The following GNAQ variants were observed in gnomAD, a reference collection of about 807,000 sequenced individuals.
GNAQ encodes G protein subunit alpha q, also known as guanine nucleotide-binding protein G(q) subunit alpha.
Under a neutral mutation model 43.9 loss-of-function variants are expected in GNAQ, and 8 were observed. The ratio of observed to expected loss-of-function variants is 0.18; its 90% CI spans 0.11 to 0.33. The LOEUF (loss-of-function observed/expected upper bound fraction) is 0.33. Among genes scored for constraint, GNAQ ranks in the 10% least tolerant of loss-of-function variants. The probability of loss-of-function intolerance (pLI) is 1.00; values close to 1 mark genes in which losing one functional copy is unlikely to be tolerated. For synonymous variants in GNAQ, 155 were observed against 170.7 expected (o/e 0.91, Z 0.71); for missense variants, 158 against 450.8 (o/e 0.35, Z 5.88).
intron 1 of GNAQ, among the ~76,000 whole-genome samples, chr9:77,954,051 C>T (rs1823013353): frequency 6.6e-6 from 1 of 152,158 alleles, no homozygotes; most frequent in Non-Finnish European, 1.5e-5. Context: ...TTTAAGATGT[C>T]TTTGAAACTC....
chr9:78,024,642 A>G lies in GNAQ; in HGVS notation c.136+6458T>C, dbSNP rs201747998. Among the ~76,000 whole-genome samples, 6 of 152,358 alleles carry G rather than the reference A, an allele frequency of 3.9e-5. No homozygotes were observed. In the East Asian group the frequency reaches 1.2e-3, roughly 29 times the overall value. On this transcript the variant is annotated intron_variant, in intron 1 of 6. Coordinates refer to ENST00000286548, the MANE Select transcript of GNAQ (RefSeq NM_002072.5). Reference sequence around the variant, plus strand: ...TAGAAAAGCCAAAGCCAGGAAGGATAAAGTCAGAAGGGCATGTCAGTACGA... The same window carrying G: ...TAGAAAAGCCAAAGCCAGGAAGGATGAAGTCAGAAGGGCATGTCAGTACGA...
chr9:77,784,665 A>G (rs545868835), intron 5 of GNAQ, among the ~76,000 whole-genome samples: 3 of 152,362 alleles, frequency 2.0e-5, no homozygotes, highest in East Asian at 1.9e-4. Context: ...GATAAATTCA[A>G]TGTAGTGAAA....
rs150506649 is a variant in GNAQ at position 77,769,913 on chromosome 9, G to A, written c.735+24550C>T. Among the ~76,000 whole-genome samples the A allele has an allele frequency of 2.3e-3, 354 of 152,080 alleles. 3 individuals carry two copies. The highest frequency in any genetic ancestry group is 7.5e-3 in the African/African-American group (311 of 41,508). On this transcript the variant is annotated intron_variant, in intron 5 of 6. Transcript: ENST00000286548. ...GATCTCCTGACCTCGTGATCTGCCC[G>A]CCTCTGCCTCCCAAAGTGCTGGGAT...
chr9:77,981,837 GCTC>G (rs1294604276), intron 1 of GNAQ, among the ~76,000 whole-genome samples: 1 of 152,182 alleles, frequency 6.6e-6, no homozygotes, highest in African/African-American at 2.4e-5. Flanking sequence ...TCACTCTGCT[GCTC>G]AATTTTACCT....
intron 2 of GNAQ, among the ~76,000 whole-genome samples, chr9:77,903,202 T>C (rs749527272): frequency 2.6e-4 from 40 of 152,044 alleles, no homozygotes; most frequent in Non-Finnish European, 5.1e-4. Context: ...AGATTAAAGT[T>C]TGAGGAGCCC....
chr9:77,863,629 G>A (rs188298112), intron 2 of GNAQ, among the ~76,000 whole-genome samples: 261 of 152,124 alleles, frequency 1.7e-3, no homozygotes, highest in African/African-American at 5.9e-3. Flanking sequence ...CCAATTTACC[G>A]TACTAGTCCA....
intron 2 of GNAQ, among the ~76,000 whole-genome samples, chr9:77,914,318 G>A (rs1828859759): frequency 6.6e-6 from 1 of 152,144 alleles, no homozygotes. Context: ...AAAAAGAGGT[G>A]GCTGACTCAT....
chr9:77,821,908 T>C (rs2118528657), intron 2 of GNAQ, among the ~76,000 whole-genome samples: 2 of 152,302 alleles, frequency 1.3e-5, no homozygotes, highest in Middle Eastern at 6.8e-3. Context: ...ATGGTCTGTA[T>C]GACTACTTTC....
intron 2 of GNAQ, among the ~76,000 whole-genome samples, chr9:77,917,413 A>G (rs1828927445): frequency 6.6e-6 from 1 of 152,184 alleles, no homozygotes; most frequent in Non-Finnish European, 1.5e-5. Flanking sequence ...ACTGGGTACT[A>G]GGCTTAGTAC....
At chr9:77,837,162 C>A (rs1280756221) in intron 2 of GNAQ, among the ~76,000 whole-genome samples, 1 of 152,050 alleles carries the variant, frequency 6.6e-6, no homozygotes, top group Non-Finnish European at 1.5e-5. Context: ...CATGGAAAGA[C>A]ATATGTTAAT....
intron 2 of GNAQ, among the ~76,000 whole-genome samples, chr9:77,891,470 C>T (rs887266844): frequency 2.0e-5 from 3 of 152,162 alleles, no homozygotes; most frequent in Non-Finnish European, 4.4e-5. Context: ...GACCTTGCCA[C>T]CACATAATTT....
At chr9:77,814,747 A>G (rs565015274) in intron 3 of GNAQ, among the ~76,000 whole-genome samples, 102 of 152,286 alleles carry the variant, frequency 6.7e-4, no homozygotes, top group Admixed American at 1.3e-3. Context: ...GAACTGGCAT[A>G]AGGTTACTGA....
intron 6 of GNAQ, among the ~76,000 whole-genome samples, chr9:77,726,266 T>C (rs1334903860): frequency 6.6e-6 from 1 of 152,152 alleles, no homozygotes; most frequent in Non-Finnish European, 1.5e-5. Context: ...AAAGTGTTTT[T>C]CAAAGAACAG....
intron 5 of GNAQ, among the ~76,000 whole-genome samples, chr9:77,730,654 T>C (rs1825474173): frequency 6.6e-6 from 1 of 152,218 alleles, no homozygotes; most frequent in African/African-American, 2.4e-5. Context: ...TAATGAAAGA[T>C]AACTTCATAG....
chr9:77,755,857 T>C (rs1825895009), intron 5 of GNAQ, among the ~76,000 whole-genome samples: 1 of 152,222 alleles, frequency 6.6e-6, no homozygotes, highest in South Asian at 2.1e-4. Flanking sequence ...CGGTTAATAC[T>C]GTCAACTTGA....
intron 3 of GNAQ, among the ~76,000 whole-genome samples, chr9:77,813,142 T>C (rs1227469058): frequency 6.6e-6 from 1 of 152,102 alleles, no homozygotes; most frequent in Non-Finnish European, 1.5e-5. Context: ...GGTCTCGAAC[T>C]CCTGACCTCA....
At chr9:77,812,639 C>T (rs907118972) in intron 3 of GNAQ, among the ~76,000 whole-genome samples, 7 of 151,932 alleles carry the variant, frequency 4.6e-5, no homozygotes, top group African/African-American at 1.7e-4. Flanking sequence ...CTCTAGAGGA[C>T]ATTTTGGAAG....
intron 5 of GNAQ, among the ~76,000 whole-genome samples, chr9:77,749,867 C>T (rs1245927353): frequency 6.6e-6 from 1 of 152,088 alleles, no homozygotes; most frequent in Non-Finnish European, 1.5e-5. Flanking sequence ...ATTGATTTTA[C>T]GACCCAGTAA....
intron 1 of GNAQ, among the ~76,000 whole-genome samples, chr9:78,019,536 C>T (rs561395582): frequency 1.3e-5 from 2 of 152,302 alleles, no homozygotes; most frequent in African/African-American, 4.8e-5. Context: ...TGTTTCTGCA[C>T]TACTGAGTTT....
Sources: allele counts gnomAD v4.1 joint callset (sites outside exome capture counted in the v4.1 genomes callset), GRCh38; gene constraint gnomAD v4.1.1; transcripts MANE v1.5; gene names NCBI Gene and HGNC (gene_info 2026-07-23, HGNC 2026-07-21).